PGBD2: variants seen among roughly 807,000 people sequenced by gnomAD.
The protein encoded by PGBD2 is piggyBac transposable element derived 2, also known as piggyBac transposable element-derived protein 2.
A neutral mutation model predicts 8.1 loss-of-function variants in PGBD2; 6 were observed. The observed-to-expected ratio is 0.74, with a 90% CI of 0.40 to 1.46. The LOEUF is 1.46. Among genes scored for constraint, PGBD2 ranks in the 40% most tolerant of loss-of-function variants. PGBD2 has a pLI of 0.02. For missense variants in PGBD2, 802 were observed against 739.0 expected (o/e 1.09, Z -0.99); for synonymous variants, 318 against 272.2 (o/e 1.17, Z -1.66).
At chr1:248,889,854 CA>C in the PGBD2 span, among the ~76,000 whole-genome samples, 1 of 150,800 alleles carries the variant, frequency 6.6e-6, no homozygotes, top group East Asian at 1.9e-4. Context: ...CCCAGATAGG[CA>C]AAACAAAGAG....
the PGBD2 span, among the ~76,000 whole-genome samples, chr1:248,897,868 C>T: frequency 2.6e-5 from 4 of 152,212 alleles, no homozygotes; most frequent in African/African-American, 9.6e-5. Flanking sequence ...GCCATCTCTG[C>T]AGCTCCAGTT....
the PGBD2 span, among the ~76,000 whole-genome samples, chr1:248,886,851 A>G: frequency 2.0e-5 from 3 of 152,202 alleles, no homozygotes; most frequent in Non-Finnish European, 2.9e-5. Flanking sequence ...ACTTCCTGTG[A>G]TAAAGCAGTC....
At chr1:248,916,553 T>C (rs1396241119) in intron 2 of PGBD2, 49 bp from the exon 3 acceptor site, 2 of 1,541,994 alleles carry the variant, frequency 1.3e-6, no homozygotes, top group African/African-American at 2.7e-5. Context: ...TGCTGAAGCA[T>C]TGGCTTTCTG....
chr1:248,914,864 T>C (rs1662036951), intron 2 of PGBD2, among the ~76,000 whole-genome samples: 1 of 152,150 alleles, frequency 6.6e-6, no homozygotes, highest in Non-Finnish European at 1.5e-5. Context: ...TCTGCTCTGC[T>C]CTCTTGTCTT....
At chr1:248,897,996 C>T in the PGBD2 span, among the ~76,000 whole-genome samples, 2 of 152,110 alleles carry the variant, frequency 1.3e-5, no homozygotes, top group Non-Finnish European at 2.9e-5. Context: ...TACATGGGAC[C>T]CCGACCCATT....
chr1:248,914,336 G>T (rs191038906), intron 2 of PGBD2: 1 of 924,984 alleles, frequency 1.1e-6, no homozygotes, highest in Non-Finnish European at 1.3e-6. Flanking sequence ...GGACAGGTCA[G>T]GAAAGCGTGA....
intron 1 of PGBD2, among the ~76,000 whole-genome samples, chr1:248,911,162 G>C (rs954278294): frequency 5.9e-5 from 9 of 151,594 alleles, no homozygotes; most frequent in Non-Finnish European, 7.4e-5. Context: ...GTGTTTCTCG[G>C]AGAGGGGGAT....
chr1:248,895,355 G>A, the PGBD2 span, among the ~76,000 whole-genome samples: 1 of 152,098 alleles, frequency 6.6e-6, no homozygotes, highest in African/African-American at 2.4e-5. Flanking sequence ...AGCCCAACCT[G>A]GCACACAAAG....
intron 1 of PGBD2, among the ~76,000 whole-genome samples, chr1:248,910,757 A>C (rs2103106499): frequency 6.6e-6 from 1 of 152,186 alleles, no homozygotes; most frequent in Admixed American, 6.5e-5. Context: ...GCCCATGGGG[A>C]CTCATGTCTG....
At chr1:248,875,308 CAAAAAAAAA>C in the PGBD2 span, among the ~76,000 whole-genome samples, 2 of 110,254 alleles carry the variant, frequency 1.8e-5, no homozygotes, top group Admixed American at 1.1e-4. Flanking sequence ...AAAAACAAAA[CAAAAAAAAA>C]AAAAAAAAAA....
chr1:248,916,306 C>T (rs981392738), intron 2 of PGBD2, among the ~76,000 whole-genome samples: 12 of 151,884 alleles, frequency 7.9e-5, no homozygotes, highest in African/African-American at 2.2e-4. Context: ...CCCAGGTACT[C>T]GGGAGGCTGA....
chr1:248,913,854 C>T lies in PGBD2; in HGVS notation c.-9C>T. The T allele has an allele frequency of 6.2e-6, 10 of 1,607,400 alleles. No individual in the cohort carries two copies. Among genetic ancestry groups the T allele is most frequent in the Non-Finnish European group, 8.5e-6 (10 of 1,174,340 alleles). ...GTGAGTAAAGACAGCTTCATCTTCC[C>T]AGTTCATCATGGCTTCAACATCCAG... On this transcript the variant is annotated 5_prime_UTR_variant, in exon 2 of 3. Transcript: ENST00000329291.
At chr1:248,894,660 TTTC>T in the PGBD2 span, among the ~76,000 whole-genome samples, 1 of 151,358 alleles carries the variant, frequency 6.6e-6, no homozygotes, top group African/African-American at 2.5e-5. Flanking sequence ...CATTTTCTTT[TTTC>T]TTCTTTTTCC....
In PGBD2 at chr1:248,916,585, G is replaced by T; in HGVS notation, c.18-17G>T. ...TCTGGCATGGCCTCTTCCTGATTCT[G>T]TTTCCTGTCATAACAGAGATGTCAT... On this transcript the variant is annotated splice_polypyrimidine_tract_variant and intron_variant, in intron 2 of 2. Coordinates refer to ENST00000329291, the MANE Select transcript of PGBD2 (RefSeq NM_170725.3). 6.2e-7 allele frequency: 1 copy of T among 1,610,392 alleles called. No individual in the cohort carries two copies. Among genetic ancestry groups the T allele is most frequent in the Non-Finnish European group, 8.5e-7 (1 of 1,177,154 alleles).
At chr1:248,874,249 C>G in the PGBD2 span, among the ~76,000 whole-genome samples, 1 of 152,186 alleles carries the variant, frequency 6.6e-6, no homozygotes, top group Non-Finnish European at 1.5e-5. Flanking sequence ...ATCATGTCTT[C>G]CCTGGTGGTC....
At chr1:248,886,741 A>T in the PGBD2 span, among the ~76,000 whole-genome samples, 2 of 152,152 alleles carry the variant, frequency 1.3e-5, no homozygotes, top group Non-Finnish European at 2.9e-5. Flanking sequence ...GGAATGAGGA[A>T]TGTTGGCAGG....
the PGBD2 span, among the ~76,000 whole-genome samples, chr1:248,928,821 C>T: frequency 2.2e-4 from 34 of 152,282 alleles, no homozygotes; most frequent in African/African-American, 7.0e-4. Flanking sequence ...AGTGACTTTT[C>T]GCACCTTAAA....
At chr1:248,886,314 C>T in the PGBD2 span, among the ~76,000 whole-genome samples, 13 of 152,286 alleles carry the variant, frequency 8.5e-5, no homozygotes, top group African/African-American at 2.9e-4. Flanking sequence ...ATATCATTAT[C>T]TAAATCAGTC....
At chr1:248,908,649 A>G (rs35864244) in intron 1 of PGBD2, among the ~76,000 whole-genome samples, 6 of 150,782 alleles carry the variant, frequency 4.0e-5, no homozygotes, top group Non-Finnish European at 2.9e-5. Flanking sequence ...TAAGCTTGTT[A>G]ACATACACCC....
Sources: allele counts gnomAD v4.1 joint callset (sites outside exome capture counted in the v4.1 genomes callset), GRCh38; gene constraint gnomAD v4.1.1; transcripts MANE v1.5; gene names NCBI Gene and HGNC (gene_info 2026-07-23, HGNC 2026-07-21).